PDE3A: variants seen among roughly 807,000 people sequenced by gnomAD.
PDE3A encodes cGMP-inhibited 3',5'-cyclic phosphodiesterase 3A.
A neutral mutation model predicts 98.3 loss-of-function variants in PDE3A; 43 were observed. The observed-to-expected ratio is 0.44, with a 90% CI of 0.34 to 0.56. The LOEUF (loss-of-function observed/expected upper bound fraction) is 0.56, where lower values mean the gene tolerates loss of function less well. Ranked by LOEUF, PDE3A falls within the 20% of genes least tolerant of loss-of-function variation. PDE3A has a pLI of 0.01. For synonymous variants in PDE3A, 663 were observed against 567.9 expected, an observed-to-expected ratio of 1.17 and a Z score of -2.38; for missense variants, 1,427 against 1,440.7, an observed-to-expected ratio of 0.99 and a Z score of 0.15.
At chr12:20,435,985 G>T (rs1944773098) in intron 1 of PDE3A, among the ~76,000 whole-genome samples, 1 of 152,076 alleles carries the variant, frequency 6.6e-6, no homozygotes, top group Admixed American at 6.6e-5. Context: ...TGTGGGAGGG[G>T]TTTTTCTGGT....
Position 20,653,974 on chromosome 12 carries a change from C to T in PDE3A, c.2953C>T (p.Pro985Ser), listed in dbSNP as rs750612093. 25 of 1,613,984 alleles carry T rather than the reference C, an allele frequency of 1.5e-5. No homozygotes were observed. The highest frequency in any genetic ancestry group is 3.3e-5 in the Admixed American group (2 of 59,992). ...TGATGAAGAGGCCAGCCTTGGATTA[C>T]CCATAAGCCCCTTCATGGATCGTTC... is the stretch of plus-strand genomic sequence containing the variant. ...QGDEEASLGL[P>S]ISPFMDRSAP... Residue 985 changes from proline to serine, a missense_variant, in exon 15 of 16, where the codon CCC becomes TCC. Around this residue, in one of 3 missense-constraint regions of PDE3A, gnomAD observed 273 missense variants for 420.3 expected, o/e 0.65. Transcript: ENST00000359062.
chr12:20,678,552 T>C (rs1945694919), intron 15 of PDE3A, among the ~76,000 whole-genome samples: 1 of 152,202 alleles, frequency 6.6e-6, no homozygotes, highest in Non-Finnish European at 1.5e-5. Flanking sequence ...TTGGTTCATG[T>C]AAACATGATG....
intron 2 of PDE3A, among the ~76,000 whole-genome samples, chr12:20,612,021 T>C (rs1943868587): frequency 6.6e-6 from 1 of 152,044 alleles, no homozygotes; most frequent in East Asian, 1.9e-4. Context: ...CGACCAGATA[T>C]GTATGTTGTT....
At chr12:20,401,217 C>T (rs1230321586) in intron 1 of PDE3A, among the ~76,000 whole-genome samples, 1 of 152,130 alleles carries the variant, frequency 6.6e-6, no homozygotes, top group Non-Finnish European at 1.5e-5. Flanking sequence ...CAACTGGTCT[C>T]CCTACCCTCA....
chr12:20,470,402 A>T (rs1382149989), intron 1 of PDE3A, among the ~76,000 whole-genome samples: 2 of 151,124 alleles, frequency 1.3e-5, no homozygotes, highest in Non-Finnish European at 2.9e-5. Context: ...TGAGTGGGAC[A>T]TCTAGTTGTA....
intron 1 of PDE3A, among the ~76,000 whole-genome samples, chr12:20,387,180 T>C (rs903076531): frequency 6.6e-6 from 1 of 152,126 alleles, no homozygotes; most frequent in African/African-American, 2.4e-5. Context: ...TGTGGCCTTG[T>C]AGTATAGTTT....
chr12:20,435,260 A>G (rs1309136303), intron 1 of PDE3A, among the ~76,000 whole-genome samples: 1 of 152,172 alleles, frequency 6.6e-6, no homozygotes, highest in Non-Finnish European at 1.5e-5. Flanking sequence ...TACTAACATC[A>G]GTTATCTCTG....
chr12:20,580,706 A>AT (rs1943041630), intron 2 of PDE3A, among the ~76,000 whole-genome samples: 5 of 152,250 alleles, frequency 3.3e-5, no homozygotes, highest in African/African-American at 9.6e-5. Flanking sequence ...TTTGCTATTT[A>AT]TTTTTTGTGA....
At chr12:20,532,921 C>T (rs1941648682) in intron 1 of PDE3A, among the ~76,000 whole-genome samples, 1 of 152,154 alleles carries the variant, frequency 6.6e-6, no homozygotes. Flanking sequence ...CGTGATCCGC[C>T]CGCCTCGGCC....
intron 15 of PDE3A, among the ~76,000 whole-genome samples, chr12:20,663,870 AG>A (rs1301948706): frequency 6.6e-6 from 1 of 152,042 alleles, no homozygotes; most frequent in Non-Finnish European, 1.5e-5. Flanking sequence ...TAGTTTTGGG[AG>A]AGGTGAGGGG....
rs545853572 is a variant in PDE3A at position 20,663,365 on chromosome 12, G to A, written c.3184+9160G>A. ...AGAGGGCCATTGTCCTCCAGACCCC[G>A]GAATGGTAGATCCACCAACAGCTTG... On this transcript the variant is annotated intron_variant, in intron 15 of 15. Transcript: ENST00000359062. 1.1e-4 allele frequency among the ~76,000 whole-genome samples: 16 copies of A among 152,198 alleles called. No homozygotes were observed. In the East Asian group the frequency reaches 1.2e-3, roughly 11 times the overall value.
chr12:20,642,029 C>G (rs1347918054), intron 10 of PDE3A, among the ~76,000 whole-genome samples: 1 of 151,950 alleles, frequency 6.6e-6, no homozygotes, highest in African/African-American at 2.4e-5. Flanking sequence ...TCAGCACATA[C>G]AAAAATTTGC....
chr12:20,387,524 T>G (rs1943833797), intron 1 of PDE3A, among the ~76,000 whole-genome samples: 1 of 152,046 alleles, frequency 6.6e-6, no homozygotes, highest in Non-Finnish European at 1.5e-5. Flanking sequence ...GCTTTCTCTA[T>G]TAGTCTTTGA....
At chr12:20,582,976 A>G (rs1186304106) in intron 2 of PDE3A, among the ~76,000 whole-genome samples, 2 of 152,170 alleles carry the variant, frequency 1.3e-5, no homozygotes, top group South Asian at 2.1e-4. Flanking sequence ...CCAAGGAACA[A>G]TTTAAAAATT....
At position 20,681,768 on chromosome 12, in the gene PDE3A, T is replaced by G. The variant is rs896178672; in HGVS notation, c.*1497T>G. On this transcript the variant is annotated 3_prime_UTR_variant, in exon 16 of 16. Coordinates refer to ENST00000359062, the MANE Select transcript of PDE3A (RefSeq NM_000921.5). The stretch of plus-strand genomic sequence containing the variant: ...GGTTTGTTTGTTTATCTACACTTGT[T>G]TATGCTGTGAGCCAAACCTCTATTT... The G allele has an allele frequency of 6.6e-6, 1 of 152,188 alleles. No homozygotes were observed. The highest frequency in any genetic ancestry group is 2.4e-5 in the African/African-American group (1 of 41,452). 9.4% of individuals were successfully genotyped at this position (152,188 alleles called of 1,614,324 possible).
intron 1 of PDE3A, among the ~76,000 whole-genome samples, chr12:20,534,498 C>T (rs1480928465): frequency 1.3e-5 from 2 of 152,100 alleles, no homozygotes; most frequent in Non-Finnish European, 2.9e-5. Flanking sequence ...ATGTATGCCA[C>T]GAAATAAGTG....
intron 1 of PDE3A, among the ~76,000 whole-genome samples, chr12:20,392,906 T>C (rs573280309): frequency 6.6e-6 from 1 of 152,070 alleles, no homozygotes; most frequent in East Asian, 1.9e-4. Flanking sequence ...CTCACTTATA[T>C]GTGGGAGCCT....
At chr12:20,411,644 A>G (rs373157252) in intron 1 of PDE3A, among the ~76,000 whole-genome samples, 10 of 147,454 alleles carry the variant, frequency 6.8e-5, no homozygotes, top group African/African-American at 2.5e-4. Context: ...GCTTACTGTC[A>G]TAATCTGTAA....
At chr12:20,614,905 C>G (rs1398162408) in intron 3 of PDE3A, among the ~76,000 whole-genome samples, 1 of 152,014 alleles carries the variant, frequency 6.6e-6, no homozygotes, top group East Asian at 1.9e-4. Flanking sequence ...GAGTGATTAG[C>G]CGCAGATAAA....
Sources: gnomAD v4.1 joint callset for allele counts (sites outside exome capture counted in the v4.1 genomes callset) on GRCh38, gnomAD v4.1.1 for gene constraint, gnomAD v4.1.1 regional missense constraint, MANE v1.5 for transcripts, NCBI Gene and HGNC (gene_info 2026-07-23, HGNC 2026-07-21) for gene names.